Variants in CCDC146 observed in about 807,000 individuals in gnomAD.
The protein encoded by CCDC146 is coiled-coil domain containing 146.
In CCDC146, 92 loss-of-function variants were observed where a neutral mutation model predicts 119.3. The observed-to-expected ratio is 0.77, with a 90% CI of 0.65 to 0.92. The LOEUF (loss-of-function observed/expected upper bound fraction) is 0.92, where lower values mean the gene tolerates loss of function less well. Ranked by LOEUF, CCDC146 falls within the 40% of genes least tolerant of loss-of-function variation. The pLI is 0.00. For synonymous variants in CCDC146, 372 were observed against 371.8 expected (o/e 1.00, Z -0.01); for missense variants, 1,000 against 1,103.0 (o/e 0.91, Z 1.32).
chr7:77,125,909 A>C (rs1216818995), intron 1 of CCDC146, among the ~76,000 whole-genome samples: 1 of 152,160 alleles, frequency 6.6e-6, no homozygotes, highest in Non-Finnish European at 1.5e-5. Flanking sequence ...TGAAATCTCT[A>C]TGTGAAACTG....
chr7:77,194,516 A>AGC (rs1791829215), intron 2 of CCDC146: 1 of 152,030 alleles, frequency 6.6e-6, no homozygotes, highest in African/African-American at 2.4e-5. Flanking sequence ...TTTAACTGAA[A>AGC]GCTTTGGGTT....
intron 2 of CCDC146, among the ~76,000 whole-genome samples, chr7:77,231,937 G>T (rs1293331324): frequency 6.6e-6 from 1 of 151,466 alleles, no homozygotes; most frequent in Non-Finnish European, 1.5e-5. Context: ...GACATTTTAG[G>T]TCATATATTG....
At position 77,262,080 on chromosome 7, in the gene CCDC146, A is replaced by G. The variant is rs1304111325; in HGVS notation, c.987-41A>G. ...TTTTGAAAAACATTTAGGACAGCTG[A>G]TAACAAAATCATTTTCTTCTTCTTC... is the stretch of plus-strand genomic sequence containing the variant. On this transcript the variant is annotated intron_variant, in intron 8 of 18. Transcript: ENST00000285871. The G allele has an allele frequency of 2.0e-6, 3 of 1,496,224 alleles. No individual in the cohort carries two copies. The South Asian group carries it at 4.0e-5, about 20-fold the overall frequency. The allele number at this position is 1,496,224 out of a possible 1,614,324, so 92.7% of individuals were successfully genotyped here.
intron 8 of CCDC146, 104 bp downstream of exon 8, chr7:77,260,340 A>T (rs1224006198): frequency 1.3e-6 from 1 of 781,810 alleles, no homozygotes; most frequent in Non-Finnish European, 2.0e-6. Context: ...TAAATATTTA[A>T]AAATAATTTT....
chr7:77,238,580 C>A (rs978260478), intron 3 of CCDC146, among the ~76,000 whole-genome samples: 1 of 152,118 alleles, frequency 6.6e-6, no homozygotes, highest in Admixed American at 6.5e-5. Flanking sequence ...CCACACCCAG[C>A]TAATTTTTTT....
At chr7:77,128,974 G>T (rs1342527222) in intron 1 of CCDC146, among the ~76,000 whole-genome samples, 6 of 152,084 alleles carry the variant, frequency 3.9e-5, no homozygotes, top group Non-Finnish European at 7.3e-5. Flanking sequence ...ACTAGAGAAG[G>T]TGATCCTAAT....
chr7:77,293,929 A>G (rs1465065719), intron 18 of CCDC146, among the ~76,000 whole-genome samples: 2 of 152,234 alleles, frequency 1.3e-5, no homozygotes, highest in Non-Finnish European at 2.9e-5. Context: ...CACTAGGAAT[A>G]CCTGAGCACA....
chr7:77,199,992 A>T, intron 2 of CCDC146: 1 of 553,502 alleles, frequency 1.8e-6, no homozygotes, highest in Non-Finnish European at 3.2e-6. Flanking sequence ...TCTCAATAGA[A>T]ATAATATGCA....
chr7:77,226,965 T>C (rs748898691), intron 2 of CCDC146, among the ~76,000 whole-genome samples: 2 of 152,234 alleles, frequency 1.3e-5, no homozygotes, highest in Non-Finnish European at 2.9e-5. Context: ...TAGATTATGA[T>C]TTTTTATGTT....
At position 77,282,539 on chromosome 7, in the gene CCDC146, C is replaced by G; in HGVS notation, c.1920-18C>G. On this transcript the variant is annotated intron_variant, in intron 14 of 18. Coordinates refer to ENST00000285871, the MANE Select transcript of CCDC146 (RefSeq NM_020879.3). ...GTCTCAATGCCCACTTAGCCTCTGC[C>G]TCTGAATTTGACCATAGTGGCGTTC... The G allele has an allele frequency of 6.4e-7, 1 of 1,568,860 alleles. No homozygotes were observed. The highest frequency in any genetic ancestry group is 8.7e-7 in the Non-Finnish European group (1 of 1,152,658).
At chr7:77,284,197 G>A (rs968866446) in intron 15 of CCDC146, among the ~76,000 whole-genome samples, 2 of 152,146 alleles carry the variant, frequency 1.3e-5, no homozygotes, top group Non-Finnish European at 1.5e-5. Context: ...AAGATGTGGG[G>A]CAATGGTATG....
intron 2 of CCDC146, among the ~76,000 whole-genome samples, chr7:77,228,777 T>C (rs1792566861): frequency 6.6e-6 from 1 of 152,218 alleles, no homozygotes; most frequent in Non-Finnish European, 1.5e-5. Flanking sequence ...CCACCAACAG[T>C]GTATAAGCAT....
chr7:77,218,094 G>A (rs1792332934), intron 2 of CCDC146, among the ~76,000 whole-genome samples: 1 of 152,008 alleles, frequency 6.6e-6, no homozygotes, highest in East Asian at 1.9e-4. Context: ...TACAATGTCA[G>A]GACAACTACA....
rs746129181 is a variant in CCDC146 at position 77,278,971 on chromosome 7, C to T, written c.1564C>T (p.Arg522Ter). Reference protein sequence around the residue: ...REFAKLYDTIRNERNKFVNLL... With the variant: ...REFAKLYDTI ...GTTTGCTAAACTGTATGACACCATT[C>T]GAAATGAAAGAAACAAATTTGTTAA... Residue 522 changes from arginine (R) to a stop codon, truncating the protein, a stop_gained, in exon 13 of 19, where the codon CGA becomes TGA. Transcript: ENST00000285871. LOFTEE classifies it high-confidence loss of function. 3.1e-6 allele frequency: 5 copies of T among 1,610,092 alleles called. No homozygotes were observed. The highest frequency in any genetic ancestry group is 1.7e-5 in the Admixed American group (1 of 59,192).
chr7:77,157,170 C>T (rs959543158), intron 1 of CCDC146, among the ~76,000 whole-genome samples: 1 of 97,004 alleles, frequency 1.0e-5, no homozygotes, highest in African/African-American at 4.8e-5. Flanking sequence ...ATCTTCAGGG[C>T]AGTCAGAAGA....
chr7:77,281,146 C>T (rs949265577), intron 14 of CCDC146, among the ~76,000 whole-genome samples: 3 of 136,242 alleles, frequency 2.2e-5, no homozygotes, highest in African/African-American at 6.0e-5. Context: ...AAAGAAATAC[C>T]GTCCTATGTC....
chr7:77,292,926 C>G, intron 17 of CCDC146, 26 bp from the exon 18 acceptor site: 1 of 1,608,930 alleles, frequency 6.2e-7, no homozygotes, highest in East Asian at 2.2e-5. Context: ...TATACATAGA[C>G]TAAGCTTTGG....
intron 1 of CCDC146, among the ~76,000 whole-genome samples, chr7:77,152,479 G>A (rs1475678684): frequency 6.6e-6 from 1 of 152,148 alleles, no homozygotes; most frequent in Non-Finnish European, 1.5e-5. Context: ...ACATGGGAGA[G>A]GGAACTTTGC....
chr7:77,197,579 G>T (rs1000548755), intron 2 of CCDC146, among the ~76,000 whole-genome samples: 1 of 152,164 alleles, frequency 6.6e-6, no homozygotes, highest in African/African-American at 2.4e-5. Flanking sequence ...AGGAAGCACA[G>T]GCTTCTATTT....
Sources: gnomAD v4.1 joint callset for allele counts (sites outside exome capture counted in the v4.1 genomes callset) on GRCh38, gnomAD v4.1.1 for gene constraint, MANE v1.5 for transcripts, NCBI Gene and HGNC (gene_info 2026-07-23, HGNC 2026-07-21) for gene names.